GRID2: variants seen among roughly 807,000 people sequenced by gnomAD.
The protein encoded by GRID2 is glutamate ionotropic receptor delta type subunit 2.
A neutral mutation model predicts 114.8 loss-of-function variants in GRID2; 33 were observed. The observed-to-expected ratio is 0.29, with a 90% CI of 0.22 to 0.38. GRID2 has a LOEUF of 0.38. Ranked by LOEUF, GRID2 falls within the 10% of genes least tolerant of loss-of-function variation. The pLI is 1.00. For missense variants in GRID2, 1,184 were observed against 1,257.7 expected (o/e 0.94, Z 0.89); for synonymous variants, 505 against 449.9 (o/e 1.12, Z -1.55).
intron 1 of GRID2, among the ~76,000 whole-genome samples, chr4:92,445,496 G>A (rs1368521661): frequency 6.6e-6 from 1 of 152,216 alleles, no homozygotes; most frequent in Non-Finnish European, 1.5e-5. Context: ...GTATACAGCT[G>A]AAAGAGTGTT....
At chr4:93,547,314 G>T (rs1733319230) in intron 13 of GRID2, among the ~76,000 whole-genome samples, 1 of 152,146 alleles carries the variant, frequency 6.6e-6, no homozygotes. Context: ...CCTGAGGACT[G>T]AAGTTTCTAA....
At chr4:93,442,123 T>TA (rs1430639525) in intron 10 of GRID2, among the ~76,000 whole-genome samples, 2 of 152,084 alleles carry the variant, frequency 1.3e-5, no homozygotes, top group African/African-American at 4.8e-5. Flanking sequence ...CCAGAGCTCC[T>TA]AAAACATCTA....
chr4:92,911,881 T>C (rs1040505064), intron 2 of GRID2, among the ~76,000 whole-genome samples: 2 of 151,822 alleles, frequency 1.3e-5, no homozygotes, highest in Non-Finnish European at 2.9e-5. Flanking sequence ...TCTTAAGGTT[T>C]ATCACAAATA....
At chr4:93,225,203 A>G (rs1054353983) in intron 7 of GRID2, among the ~76,000 whole-genome samples, 1 of 152,234 alleles carries the variant, frequency 6.6e-6, no homozygotes, top group Non-Finnish European at 1.5e-5. Flanking sequence ...TTATCTCATG[A>G]TAAGGATAGG....
intron 4 of GRID2, among the ~76,000 whole-genome samples, chr4:93,175,311 G>A (rs1579197020): frequency 6.6e-6 from 1 of 151,952 alleles, no homozygotes; most frequent in Non-Finnish European, 1.5e-5. Flanking sequence ...GCTGGAAGTA[G>A]AGGCATGTAC....
At chr4:93,540,885 A>C (rs1208345770) in intron 13 of GRID2, among the ~76,000 whole-genome samples, 1 of 152,210 alleles carries the variant, frequency 6.6e-6, no homozygotes, top group Non-Finnish European at 1.5e-5. Flanking sequence ...GGTTCATTAA[A>C]TATCAACTTC....
intron 10 of GRID2, among the ~76,000 whole-genome samples, chr4:93,426,324 G>A (rs1560607768): frequency 6.6e-6 from 1 of 152,174 alleles, no homozygotes; most frequent in Non-Finnish European, 1.5e-5. Context: ...CAAATTCAGT[G>A]TTCCACCTTT....
chr4:93,032,807 C>T (rs1337935600), intron 2 of GRID2, among the ~76,000 whole-genome samples: 1 of 152,036 alleles, frequency 6.6e-6, no homozygotes, highest in Non-Finnish European at 1.5e-5. Flanking sequence ...CCAGAAATGA[C>T]CCCAAACAAT....
intron 4 of GRID2, among the ~76,000 whole-genome samples, chr4:93,194,921 T>TG (rs1263029017): frequency 6.6e-6 from 1 of 152,184 alleles, no homozygotes; most frequent in Non-Finnish European, 1.5e-5. Context: ...ATGCTAAACT[T>TG]GAGCACCATT....
chr4:93,124,219 T>C lies in GRID2; in HGVS notation c.735+13266T>C, dbSNP rs187773813. Reference sequence around the variant, plus strand: ...TGGAAGGCAAGGACAGGCTAACATATGAAGGTATTCTCTGTGGTATGTCAG... The same window carrying C: ...TGGAAGGCAAGGACAGGCTAACATACGAAGGTATTCTCTGTGGTATGTCAG... On this transcript the variant is annotated intron_variant, in intron 4 of 15. Transcript: ENST00000282020. 5.0e-3 allele frequency among the ~76,000 whole-genome samples: 755 copies of C among 152,172 alleles called. 12 individuals are homozygous for C. The highest frequency in any genetic ancestry group is 0.017 in the African/African-American group (723 of 41,530).
At chr4:93,564,157 G>A (rs1204681039) in intron 13 of GRID2, among the ~76,000 whole-genome samples, 1 of 151,722 alleles carries the variant, frequency 6.6e-6, no homozygotes, top group Non-Finnish European at 1.5e-5. Flanking sequence ...CCAGAGAAAG[G>A]GCTTTTTAAA....
At chr4:93,107,452 T>C (rs1163562416) in intron 3 of GRID2, among the ~76,000 whole-genome samples, 1 of 152,168 alleles carries the variant, frequency 6.6e-6, no homozygotes, top group Non-Finnish European at 1.5e-5. Flanking sequence ...CTTTTCAGTA[T>C]GCATATCACT....
intron 2 of GRID2, among the ~76,000 whole-genome samples, chr4:92,960,576 A>AT (rs1752734237): frequency 6.6e-6 from 1 of 151,740 alleles, no homozygotes; most frequent in African/African-American, 2.4e-5. Context: ...TGTTTTGATG[A>AT]TTGTTAGCAT....
At chr4:93,467,300 A>G (rs948623493) in intron 11 of GRID2, among the ~76,000 whole-genome samples, 2 of 152,204 alleles carry the variant, frequency 1.3e-5, no homozygotes, top group Admixed American at 6.5e-5. Context: ...TTATCTTTAG[A>G]TGTTTTTTCC....
At chr4:92,629,699 A>C (rs1730695495) in intron 2 of GRID2, among the ~76,000 whole-genome samples, 2 of 151,942 alleles carry the variant, frequency 1.3e-5, no homozygotes, top group African/African-American at 4.8e-5. Context: ...CATGTATAAA[A>C]ATTAGATTTT....
intron 14 of GRID2, among the ~76,000 whole-genome samples, chr4:93,690,332 T>C (rs1311163962): frequency 6.6e-6 from 1 of 152,010 alleles, no homozygotes; most frequent in East Asian, 1.9e-4. Context: ...TGAGAAGAAG[T>C]ACTGTCACTC....
intron 12 of GRID2, among the ~76,000 whole-genome samples, chr4:93,509,823 T>C (rs1314065817): frequency 1.3e-5 from 2 of 152,190 alleles, no homozygotes; most frequent in African/African-American, 4.8e-5. Flanking sequence ...GGCATATTAG[T>C]TGTTCCTTTA....
In GRID2 at chr4:92,307,313, G is replaced by T. The variant is rs186711167; in HGVS notation, c.88+2569G>T. ...GAATGTGATGAAACTGGAGGGAAAG[G>T]GAATATTTCACCTCTAGCGATGGAA... On this transcript the variant is annotated intron_variant, in intron 1 of 15. Transcript: ENST00000282020. Among the ~76,000 whole-genome samples, 400 of 152,032 alleles carry T rather than the reference G, an allele frequency of 2.6e-3. 2 individuals are homozygous for T. The highest frequency in any genetic ancestry group is 4.1e-3 in the Non-Finnish European group (279 of 67,984).
intron 2 of GRID2, among the ~76,000 whole-genome samples, chr4:92,718,082 A>G (rs1735632855): frequency 6.6e-6 from 1 of 152,164 alleles, no homozygotes; most frequent in Non-Finnish European, 1.5e-5. Flanking sequence ...TACAGTATGC[A>G]TGGCAGTATA....
Sources: gnomAD v4.1 joint callset for allele counts (sites outside exome capture counted in the v4.1 genomes callset) on GRCh38, gnomAD v4.1.1 for gene constraint, MANE v1.5 for transcripts, NCBI Gene and HGNC (gene_info 2026-07-23, HGNC 2026-07-21) for gene names.